ASTN2: variants seen among roughly 807,000 people sequenced by gnomAD.
ASTN2 encodes the protein astrotactin 2, also known as astrotactin-2.
In ASTN2, 54 loss-of-function variants were observed where a neutral mutation model predicts 139.8. The ratio of observed to expected loss-of-function variants is 0.39; its 90% CI spans 0.31 to 0.48. ASTN2 has a LOEUF of 0.48. ASTN2 is among the 20% of genes least tolerant of loss of function. The probability of loss-of-function intolerance (pLI) is 0.95; values close to 1 mark genes in which losing one functional copy is unlikely to be tolerated. For missense variants in ASTN2, 1,565 were observed against 1,725.1 expected (o/e 0.91, Z 1.64); for synonymous variants, 756 against 719.5 (o/e 1.05, Z -0.81).
chr9:116,645,607 G>T (rs1857552010), intron 17 of ASTN2, among the ~76,000 whole-genome samples: 3 of 152,112 alleles, frequency 2.0e-5, no homozygotes, highest in Admixed American at 2.0e-4. Context: ...GTCCCTAACT[G>T]TGCCATAAAA....
At chr9:117,194,599 G>A (rs1042504018) in intron 3 of ASTN2, among the ~76,000 whole-genome samples, 6 of 152,172 alleles carry the variant, frequency 3.9e-5, no homozygotes, top group African/African-American at 7.2e-5. Context: ...GCTGTTCAAC[G>A]TTGTGGATAA....
intron 13 of ASTN2, among the ~76,000 whole-genome samples, chr9:116,803,502 ATATATATATATATATATATATTTT>A (rs1564276074): frequency 7.2e-4 from 6 of 8,342 alleles, no homozygotes; most frequent in South Asian, 5.4e-3. Flanking sequence ...ATATATATAT[ATATATATATATATATATATATTTT>A]TTTTTTTTTT....
chr9:116,953,210 G>A (rs1306401565), intron 10 of ASTN2, among the ~76,000 whole-genome samples: 2 of 152,204 alleles, frequency 1.3e-5, no homozygotes, highest in African/African-American at 4.8e-5. Context: ...AAAATAAGGT[G>A]TAATTATCAC....
At chr9:116,896,138 A>G (rs376119616) in intron 10 of ASTN2, among the ~76,000 whole-genome samples, 96 of 152,238 alleles carry the variant, frequency 6.3e-4, no homozygotes, top group African/African-American at 2.0e-3. Context: ...GAAATCTTGG[A>G]TTGAGTTCTA....
chr9:116,466,786 C>T (rs1848658663), intron 20 of ASTN2, among the ~76,000 whole-genome samples: 1 of 152,306 alleles, frequency 6.6e-6, no homozygotes, highest in East Asian at 1.9e-4. Context: ...TAAAAACTTC[C>T]TTGTTCTCCC....
chr9:117,410,227 G>A (rs2130979629), intron 1 of ASTN2, among the ~76,000 whole-genome samples: 1 of 152,162 alleles, frequency 6.6e-6, no homozygotes, highest in East Asian at 1.9e-4. Flanking sequence ...AGCACAGCAA[G>A]AAGGATGACA....
intron 4 of ASTN2, among the ~76,000 whole-genome samples, chr9:117,120,018 G>GTGTGTATATATATATATATATA (rs1306397698): frequency 2.9e-3 from 133 of 45,930 alleles, no homozygotes; most frequent in Non-Finnish European, 4.3e-3. Flanking sequence ...GTGTGTGTGT[G>GTGTGTATATATATATATATATA]TATATATATA....
In ASTN2 at chr9:116,887,285, A is replaced by C. The variant is rs561112527; in HGVS notation, c.1890-23552T>G. On this transcript the variant is annotated intron_variant, in intron 10 of 22. Transcript: ENST00000313400. ...AAATACATGCAAGCACATCGTATAA[A>C]GTCAGAGCAGGGTAAGTGAAAGAAA... Among the ~76,000 whole-genome samples the C allele has an allele frequency of 2.4e-4, 36 of 152,220 alleles. 1 individual carries two copies. In the South Asian group the frequency reaches 7.3e-3, roughly 31 times the overall value.
chr9:116,995,090 G>C (rs1315238922), intron 7 of ASTN2, among the ~76,000 whole-genome samples: 1 of 152,202 alleles, frequency 6.6e-6, no homozygotes, highest in Non-Finnish European at 1.5e-5. Flanking sequence ...TTTGAATCCA[G>C]AGTGCAAGCT....
intron 10 of ASTN2, among the ~76,000 whole-genome samples, chr9:116,874,135 C>A (rs944929450): frequency 6.6e-6 from 1 of 152,092 alleles, no homozygotes; most frequent in African/African-American, 2.4e-5. Flanking sequence ...TGGGTTCCAC[C>A]CTGGGTGTAT....
At chr9:117,288,761 G>A (rs1216653380) in intron 2 of ASTN2, among the ~76,000 whole-genome samples, 1 of 152,176 alleles carries the variant, frequency 6.6e-6, no homozygotes, top group Non-Finnish European at 1.5e-5. Flanking sequence ...CTGACCTCCA[G>A]GCCAAGCCCT....
At chr9:117,041,753 C>T (rs749291614) in intron 5 of ASTN2, among the ~76,000 whole-genome samples, 1 of 152,174 alleles carries the variant, frequency 6.6e-6, no homozygotes, top group Non-Finnish European at 1.5e-5. Flanking sequence ...TAAAGACTAG[C>T]AGGGCTGAAT....
At chr9:116,685,080 C>T (rs803897) in intron 16 of ASTN2, among the ~76,000 whole-genome samples, 88,282 of 151,970 alleles carry the variant, frequency 0.58, 26,117 homozygotes, top group East Asian at 0.87. Context: ...AGTCATGCAG[C>T]TGGAGGTTAC....
At position 117,023,563 on chromosome 9, in the gene ASTN2, C is replaced by T. The variant is rs9886772; in HGVS notation, c.1424-15304G>A. Among the ~76,000 whole-genome samples, 772 of 152,226 alleles carry T rather than the reference C, an allele frequency of 5.1e-3. 4 individuals carry two copies. The highest frequency in any genetic ancestry group is 0.018 in the African/African-American group (741 of 41,554). On this transcript the variant is annotated intron_variant, in intron 6 of 22. Coordinates refer to ENST00000313400, the MANE Select transcript of ASTN2 (RefSeq NM_001365068.1). The stretch of plus-strand genomic sequence containing the variant: ...GCCAATGCTTACTTACTTTATTTTG[C>T]TAATTTGCTTTGGTGTTCGTCTCCT...
At chr9:116,678,806 T>C (rs575257195) in intron 16 of ASTN2, among the ~76,000 whole-genome samples, 1 of 152,298 alleles carries the variant, frequency 6.6e-6, no homozygotes, top group South Asian at 2.1e-4. Context: ...ATCTGTTTGA[T>C]AGAAAATTGT....
At chr9:117,070,495 T>C (rs1287420763) in intron 5 of ASTN2, among the ~76,000 whole-genome samples, 6 of 113,312 alleles carry the variant, frequency 5.3e-5, no homozygotes, top group Non-Finnish European at 8.9e-5. Context: ...GTCTTGGAGT[T>C]GCTCTTCTCG....
At chr9:116,676,364 GTCTT>G (rs1412435682) in intron 16 of ASTN2, among the ~76,000 whole-genome samples, 5 of 152,184 alleles carry the variant, frequency 3.3e-5, no homozygotes, top group African/African-American at 1.2e-4. Context: ...CTAAGAATTT[GTCTT>G]TCTGTGTTCT....
chr9:116,816,847 A>T (rs1336823034), intron 12 of ASTN2, among the ~76,000 whole-genome samples: 3 of 151,904 alleles, frequency 2.0e-5, no homozygotes, highest in Non-Finnish European at 4.4e-5. Flanking sequence ...GGGATAAATA[A>T]GAATTTGAGA....
chr9:116,905,528 G>A (rs181849247), intron 10 of ASTN2, among the ~76,000 whole-genome samples: 1 of 152,278 alleles, frequency 6.6e-6, no homozygotes, highest in African/African-American at 2.4e-5. Flanking sequence ...TCTCCTTCAT[G>A]TGCCTTACAC....
Sources: gnomAD v4.1 joint callset for allele counts (sites outside exome capture counted in the v4.1 genomes callset) on GRCh38, gnomAD v4.1.1 for gene constraint, MANE v1.5 for transcripts, NCBI Gene and HGNC (gene_info 2026-07-23, HGNC 2026-07-21) for gene names.